MTARC2: variants seen among roughly 807,000 people sequenced by gnomAD.
The protein encoded by MTARC2 is mitochondrial amidoxime reducing component 2, also known as MOCO sulphurase C-terminal domain containing 2.
A neutral mutation model predicts 35.6 loss-of-function variants in MTARC2; 27 were observed. The observed-to-expected ratio is 0.76, with a 90% CI of 0.56 to 1.04. MTARC2 has a LOEUF of 1.04. MTARC2 is among the 50% of genes least tolerant of loss of function. MTARC2 has a pLI of 0.00. For missense variants in MTARC2, 412 were observed against 432.5 expected (o/e 0.95, Z 0.42); for synonymous variants, 158 against 167.1 (o/e 0.95, Z 0.42).
At chr1:220,753,677 C>G (rs1671196096) in intron 1 of MTARC2, among the ~76,000 whole-genome samples, 1 of 152,230 alleles carries the variant, frequency 6.6e-6, no homozygotes, top group African/African-American at 2.4e-5. Context: ...TGGAAAGCCT[C>G]TGGCTTTCAG....
In MTARC2 at chr1:220,781,799, T is replaced by C; in HGVS notation, c.906T>C (p.Ser302=). Reference sequence around the variant, plus strand: ...TCAGCTACCGCCTGTGTGATCCTTCTGAGAGGGAATTGTACAAGTTGTCTC... The same window carrying C: ...TCAGCTACCGCCTGTGTGATCCTTCCGAGAGGGAATTGTACAAGTTGTCTC... ...TLKSYRLCDP[S]ERELYKLSPL... is the part of the protein sequence containing the mutation. The change falls in exon 7 of 8, where the codon TCT becomes TCC. Residue 302 remains serine, a synonymous_variant. Coordinates refer to ENST00000366913, the MANE Select transcript of MTARC2 (RefSeq NM_017898.5). 1 of 1,614,190 alleles carries C rather than the reference T, an allele frequency of 6.2e-7. No homozygotes were observed. Among genetic ancestry groups the C allele is most frequent in the Non-Finnish European group, 8.5e-7 (1 of 1,180,032 alleles).
chr1:220,750,728 G>C (rs553736484), intron 1 of MTARC2, among the ~76,000 whole-genome samples: 1 of 152,314 alleles, frequency 6.6e-6, no homozygotes, highest in South Asian at 2.1e-4. Context: ...TTGTGGGCTA[G>C]ATAGTATTAT....
chr1:220,769,342 G>A (rs950316168), intron 4 of MTARC2, among the ~76,000 whole-genome samples: 2 of 152,216 alleles, frequency 1.3e-5, no homozygotes, highest in Admixed American at 6.5e-5. Flanking sequence ...CAGCTAGGGC[G>A]GCCAGCGGAA....
chr1:220,762,298 C>T (rs1671458362), intron 3 of MTARC2, among the ~76,000 whole-genome samples: 1 of 152,176 alleles, frequency 6.6e-6, no homozygotes, highest in Admixed American at 6.5e-5. Context: ...CACCTGGCAG[C>T]TATTTTTCAA....
intron 2 of MTARC2, among the ~76,000 whole-genome samples, chr1:220,755,652 G>T (rs1355665007): frequency 6.6e-6 from 1 of 152,124 alleles, no homozygotes; most frequent in African/African-American, 2.4e-5. Flanking sequence ...CGGCATGTAA[G>T]CACCAAATAA....
In MTARC2 at chr1:220,748,758, C is replaced by A; in HGVS notation, c.227C>A (p.Ala76Asp). Residue 76 changes from alanine (A) to aspartate (D), a missense_variant, in exon 1 of 8, where the codon GCT becomes GAT. By Grantham distance (126) the Ala-to-Asp change is moderately radical. Transcript: ENST00000366913. ...KSCKGVPVSE[A>D]ECTAMGLRSG... is the part of the protein sequence containing the mutation. ...TGCAAAGGGGTGCCGGTGAGCGAGG[C>A]TGAGTGCACGGCCATGGGGCTGCGC... The A allele has an allele frequency of 6.2e-7, 1 of 1,600,312 alleles. No homozygotes were observed. Among genetic ancestry groups the A allele is most frequent in the Admixed American group, 1.7e-5 (1 of 58,808 alleles).
intron 1 of MTARC2, 40 bp downstream of exon 1, chr1:220,748,843 C>T (rs1182050514): frequency 6.6e-7 from 1 of 1,519,898 alleles, no homozygotes; most frequent in Admixed American, 2.1e-5. Flanking sequence ...CGGAGCCTGC[C>T]TGGGATGAGG....
At chr1:220,760,578 G>A (rs140838808) in intron 2 of MTARC2, among the ~76,000 whole-genome samples, 222 of 152,176 alleles carry the variant, frequency 1.5e-3, no homozygotes, top group African/African-American at 4.6e-3. Flanking sequence ...GGTTCATTAA[G>A]CATTTGATTT....
intron 4 of MTARC2, among the ~76,000 whole-genome samples, chr1:220,779,134 G>A (rs1671996601): frequency 6.6e-6 from 1 of 151,994 alleles, no homozygotes; most frequent in African/African-American, 2.4e-5. Flanking sequence ...GGTGATTTTT[G>A]CCTCCCTACA....
At chr1:220,782,825 T>G (rs1672117258) in intron 7 of MTARC2, among the ~76,000 whole-genome samples, 1 of 152,214 alleles carries the variant, frequency 6.6e-6, no homozygotes, top group African/African-American at 2.4e-5. Flanking sequence ...TTAACTTCTC[T>G]TTAAGTCTCA....
chr1:220,761,720 A>T lies in MTARC2; in HGVS notation c.509A>T (p.Asn170Ile). ...CGNEAAKWFT[N>I]FLKTEAYRLV... ...AATGAGGCAGCTAAGTGGTTCACCA[A>T]CTTCTTGAAAACTGAAGCGTATAGA... The change falls in exon 3 of 8, where the codon AAC becomes ATC. Residue 170 changes from asparagine (N) to isoleucine (I), a missense_variant. Physicochemically the swap from Asn to Ile is moderately radical, Grantham distance 149. Transcript: ENST00000366913. The T allele has an allele frequency of 6.2e-7, 1 of 1,614,180 alleles. No homozygotes were observed. The highest frequency in any genetic ancestry group is 8.5e-7 in the Non-Finnish European group (1 of 1,180,020).
intron 6 of MTARC2, among the ~76,000 whole-genome samples, chr1:220,781,120 T>C (rs1454369921): frequency 2.6e-5 from 4 of 152,128 alleles, no homozygotes; most frequent in Admixed American, 6.6e-5. Context: ...TTCTCTTTCC[T>C]CTGTTTTGTG....
At chr1:220,760,997 C>T (rs1038850600) in intron 2 of MTARC2, among the ~76,000 whole-genome samples, 4 of 152,114 alleles carry the variant, frequency 2.6e-5, no homozygotes, top group African/African-American at 2.4e-5. Flanking sequence ...TCTTTCAGAA[C>T]AAATTAAACT....
chr1:220,758,428 T>C (rs913005939), intron 2 of MTARC2, among the ~76,000 whole-genome samples: 14 of 151,760 alleles, frequency 9.2e-5, no homozygotes, highest in African/African-American at 2.9e-4. Flanking sequence ...ATTACCTTTT[T>C]TTTTTTTTGA....
At position 220,752,701 on chromosome 1, in the gene MTARC2, G is replaced by A. The variant is rs543873831; in HGVS notation, c.273-2246G>A. On this transcript the variant is annotated intron_variant, in intron 1 of 7. Transcript: ENST00000366913. The stretch of plus-strand genomic sequence containing the variant: ...ATCTCTACAAAAAATAAAAAGATCA[G>A]TTGGGCGTGGTGGTGTGTGCCTGTA... Among the ~76,000 whole-genome samples the A allele has an allele frequency of 4.6e-5, 7 of 152,174 alleles. No homozygotes were observed. The South Asian group carries it at 1.4e-3, about 32-fold the overall frequency.
intron 4 of MTARC2, among the ~76,000 whole-genome samples, chr1:220,769,794 C>A (rs1558071526): frequency 6.6e-6 from 1 of 151,224 alleles, no homozygotes; most frequent in African/African-American, 2.4e-5. Flanking sequence ...GGCACTTTTT[C>A]ACAAATGTCT....
At chr1:220,767,646 A>T (rs1196672791) in intron 4 of MTARC2, among the ~76,000 whole-genome samples, 4 of 152,188 alleles carry the variant, frequency 2.6e-5, no homozygotes, top group Non-Finnish European at 5.9e-5. Context: ...TCCTGATGAG[A>T]TAAACTTGAT....
intron 4 of MTARC2, among the ~76,000 whole-genome samples, chr1:220,772,507 G>A (rs1043016455): frequency 5.9e-5 from 9 of 152,154 alleles, no homozygotes; most frequent in Admixed American, 5.9e-4. Flanking sequence ...ATGTTTGAGG[G>A]TTTCCTAGTG....
In MTARC2 at chr1:220,781,928, A is replaced by T. The variant is rs574004493; in HGVS notation, c.*27A>T. 3 of 1,610,840 alleles carry T rather than the reference A, an allele frequency of 1.9e-6. No homozygotes were observed. The South Asian group carries it at 3.3e-5, about 18-fold the overall frequency. On this transcript the variant is annotated 3_prime_UTR_variant, in exon 7 of 8. Transcript: ENST00000366913. The stretch of plus-strand genomic sequence containing the variant: ...GATGAGTGATGGATCCACTAGGGTG[A>T]TATGGTAAAGGGTCAGCTTTGCTTC...
Sources: gnomAD v4.1 joint callset for allele counts (sites outside exome capture counted in the v4.1 genomes callset) on GRCh38, gnomAD v4.1.1 for gene constraint, MANE v1.5 for transcripts, NCBI Gene and HGNC (gene_info 2026-07-23, HGNC 2026-07-21) for gene names.